CREBBP: variants seen among roughly 807,000 people sequenced by gnomAD.
CREBBP encodes CREB binding lysine acetyltransferase.
In CREBBP, 19 loss-of-function variants were observed where a neutral mutation model predicts 265.0. That is an observed-to-expected ratio of 0.07 (90% CI 0.05 to 0.11). The LOEUF is 0.11. Ranked by LOEUF, CREBBP falls within the 10% of genes least tolerant of loss-of-function variation. The probability of loss-of-function intolerance (pLI) is 1.00; values close to 1 mark genes in which losing one functional copy is unlikely to be tolerated. For missense variants in CREBBP, 2,525 were observed against 3,219.0 expected (o/e 0.78, Z 5.22); for synonymous variants, 1,457 against 1,223.7 (o/e 1.19, Z -3.98).
At chr16:3,851,651 G>C (rs980816475) in intron 1 of CREBBP, among the ~76,000 whole-genome samples, 1 of 151,488 alleles carries the variant, frequency 6.6e-6, no homozygotes, top group South Asian at 2.1e-4. Context: ...TCAGGAGAGC[G>C]AGACCATCCT....
intron 2 of CREBBP, among the ~76,000 whole-genome samples, chr16:3,829,418 A>G (rs186408295): frequency 1.3e-5 from 2 of 152,364 alleles, no homozygotes; most frequent in East Asian, 1.9e-4. Context: ...ACCACACACA[A>G]CAATCACATC....
intron 1 of CREBBP, among the ~76,000 whole-genome samples, chr16:3,879,331 G>A (rs1271978167): frequency 6.6e-6 from 1 of 152,144 alleles, no homozygotes; most frequent in East Asian, 1.9e-4. Context: ...AGAAACTTCG[G>A]TTCTAACTCG....
rs1194053924 is a variant in CREBBP, at chr16:3,729,043, C to T, written c.6004G>A (p.Val2002Met). ...CCGCTCACCTGGTTGGGTCGGGGCA[C>T]ATTCAGGCTCACGGGGGCCATCTGG... ...GSQMAPVSLN[V>M]PRPNQVSGPV... The change falls in exon 31 of 31, where the codon GTG (valine) becomes ATG (methionine). Residue 2002 changes from valine to methionine, a missense_variant. Physicochemically the swap from Val to Met is conservative, Grantham distance 21 (BLOSUM62 1). This residue lies in a region of CREBBP where 275 missense variants were observed against 276.5 expected (regional missense o/e 0.99). Transcript: ENST00000262367. 1.2e-5 allele frequency: 19 copies of T among 1,587,068 alleles called. No individual in the cohort carries two copies. In the Admixed American group the frequency reaches 3.1e-4, roughly 26 times the overall value.
At chr16:3,821,742 A>T (rs543606267) in intron 2 of CREBBP, among the ~76,000 whole-genome samples, 5 of 152,228 alleles carry the variant, frequency 3.3e-5, no homozygotes, top group Admixed American at 1.3e-4. Flanking sequence ...ATAAAGACTG[A>T]ATCTTGGCTG....
At chr16:3,754,306 A>C (rs2052540356) in intron 19 of CREBBP, among the ~76,000 whole-genome samples, 1 of 152,188 alleles carries the variant, frequency 6.6e-6, no homozygotes, top group Non-Finnish European at 1.5e-5. Context: ...AAATCAGCTA[A>C]AGCAACCCTG....
At chr16:3,832,828 A>G (rs2054369549) in intron 2 of CREBBP, among the ~76,000 whole-genome samples, 1 of 152,176 alleles carries the variant, frequency 6.6e-6, no homozygotes, top group African/African-American at 2.4e-5. Context: ...TCCACAATCA[A>G]GTGGGGTTAT....
intron 19 of CREBBP, among the ~76,000 whole-genome samples, chr16:3,754,120 G>A (rs1329726539): frequency 2.8e-5 from 4 of 144,298 alleles, no homozygotes; most frequent in Non-Finnish European, 5.9e-5. Flanking sequence ...TCAGAACCGG[G>A]GAGGCAAAGC....
chr16:3,824,146 G>A (rs911280087), intron 2 of CREBBP, among the ~76,000 whole-genome samples: 2 of 152,202 alleles, frequency 1.3e-5, no homozygotes, highest in Non-Finnish European at 2.9e-5. Flanking sequence ...CACCAACATC[G>A]ACTGCTAAAT....
chr16:3,781,154 C>T (rs1251271987), intron 7 of CREBBP, 50 bp downstream of exon 7: 2 of 1,505,664 alleles, frequency 1.3e-6, no homozygotes, highest in African/African-American at 2.8e-5. Context: ...GTGTGGTTCT[C>T]AGTCCATGCT....
chr16:3,759,969 G>A (rs895317124), intron 16 of CREBBP, among the ~76,000 whole-genome samples: 1 of 152,188 alleles, frequency 6.6e-6, no homozygotes, highest in Non-Finnish European at 1.5e-5. Flanking sequence ...CAGTCAGCGT[G>A]TCACGACCCC....
intron 28 of CREBBP, among the ~76,000 whole-genome samples, chr16:3,733,034 C>CT (rs1441635703): frequency 1.3e-5 from 2 of 152,010 alleles, no homozygotes; most frequent in Non-Finnish European, 2.9e-5. Flanking sequence ...GAGAGAGACT[C>CT]TTGGTGTTCA....
At chr16:3,771,547 G>A (rs1344396462) in intron 13 of CREBBP, among the ~76,000 whole-genome samples, 2 of 152,000 alleles carry the variant, frequency 1.3e-5, no homozygotes, top group Non-Finnish European at 1.5e-5. Context: ...CACATCTACA[G>A]CAGTCCCCTC....
Position 3,875,202 on chromosome 16 carries a change from G to A in CREBBP, c.85+4630C>T, listed in dbSNP as rs76706446. Among the ~76,000 whole-genome samples, 177 of 152,284 alleles carry A rather than the reference G, an allele frequency of 1.2e-3. 1 individual carries two copies. The East Asian group carries it at 0.02, about 17-fold the overall frequency. On this transcript the variant is annotated intron_variant, in intron 1 of 30. Coordinates refer to ENST00000262367, the MANE Select transcript of CREBBP (RefSeq NM_004380.3). Reference sequence around the variant, plus strand: ...CAAATCTGAATGTTCAGCCAGGAGCGACTTTCCATCTTCTGAAGGCCCTCT... The same window carrying A: ...CAAATCTGAATGTTCAGCCAGGAGCAACTTTCCATCTTCTGAAGGCCCTCT...
intron 2 of CREBBP, among the ~76,000 whole-genome samples, chr16:3,834,136 G>C (rs750754321): frequency 2.6e-5 from 4 of 152,198 alleles, no homozygotes; most frequent in Non-Finnish European, 4.4e-5. Flanking sequence ...CGAGGATGTA[G>C]TGCAACAGGA....
rs1415613908 is a variant in CREBBP, at chr16:3,852,003, A to G, written c.86-994T>C. On this transcript the variant is annotated intron_variant, in intron 1 of 30. Coordinates refer to ENST00000262367, the MANE Select transcript of CREBBP (RefSeq NM_004380.3). The stretch of plus-strand genomic sequence containing the variant: ...CAGTGAGCTGAGATCGTGCCACTGC[A>G]CTCCAACCTGGGCAACAGCGAGACT... Among the ~76,000 whole-genome samples the G allele has an allele frequency of 2.6e-5, 3 of 115,650 alleles. No homozygotes were observed. The East Asian group carries it at 9.3e-4, about 36-fold the overall frequency. The allele number at this position is 115,650 out of a possible 152,430, so 75.9% of individuals were successfully genotyped here.
Position 3,774,847 on chromosome 16 carries a change from A to C in CREBBP, c.2159-154T>G, listed in dbSNP as rs922009973. On this transcript the variant is annotated intron_variant, in intron 11 of 30. Transcript: ENST00000262367. ...CCCAATTAATCAATGAAGATGATGA[A>C]GGAACAGACTTCTCCATATCCAGAG... 3.9e-6 allele frequency: 4 copies of C among 1,013,666 alleles called. No homozygotes were observed. The African/African-American group carries it at 6.4e-5, about 16-fold the overall frequency. The allele number at this position is 1,013,666 out of a possible 1,614,324, so 62.8% of individuals were successfully genotyped here.
At position 3,875,979 on chromosome 16, in the gene CREBBP, A is replaced by G. The variant is rs115097153; in HGVS notation, c.85+3853T>C. ...ATAAAATGTAATCACAACTGCTTAG[A>G]GCCACTTATACAGCACAGGATGAAA... On this transcript the variant is annotated intron_variant, in intron 1 of 30. Transcript: ENST00000262367. 7.7e-3 allele frequency among the ~76,000 whole-genome samples: 1,175 copies of G among 152,298 alleles called. 16 individuals are homozygous for G. Among genetic ancestry groups the G allele is most frequent in the African/African-American group, 0.027 (1,117 of 41,554 alleles).
At chr16:3,876,670 C>A (rs2055409805) in intron 1 of CREBBP, among the ~76,000 whole-genome samples, 1 of 152,124 alleles carries the variant, frequency 6.6e-6, no homozygotes, top group Non-Finnish European at 1.5e-5. Context: ...CTACATAATA[C>A]AAGAAAATGC....
intron 2 of CREBBP, among the ~76,000 whole-genome samples, chr16:3,811,509 G>C (rs1219173351): frequency 6.6e-6 from 1 of 152,090 alleles, no homozygotes; most frequent in Non-Finnish European, 1.5e-5. Flanking sequence ...TATTTTAATA[G>C]AGACAGCATC....
Sources: allele counts gnomAD v4.1 joint callset (sites outside exome capture counted in the v4.1 genomes callset), GRCh38; gene constraint gnomAD v4.1.1; regional missense constraint gnomAD v4.1.1; transcripts MANE v1.5; gene names NCBI Gene and HGNC (gene_info 2026-07-23, HGNC 2026-07-21).